The following MAGI1 variants were observed in gnomAD, a reference collection of about 807,000 sequenced individuals.
MAGI1 encodes membrane associated guanylate kinase, WW and PDZ domain containing 1, also known as membrane-associated guanylate kinase, WW and PDZ domain-containing protein 1.
MAGI1 carries 58 observed loss-of-function variants against 139.9 expected under a neutral mutation model. That is an observed-to-expected ratio of 0.41 (90% CI 0.34 to 0.52). The LOEUF (loss-of-function observed/expected upper bound fraction) is 0.52, where lower values mean the gene tolerates loss of function less well. Among genes scored for constraint, MAGI1 ranks in the 20% least tolerant of loss-of-function variants. MAGI1 has a pLI of 0.12. For synonymous variants in MAGI1, 812 were observed against 737.9 expected, an observed-to-expected ratio of 1.10 and a Z score of -1.63; for missense variants, 1,874 against 1,901.6, an observed-to-expected ratio of 0.99 and a Z score of 0.27.
chr3:65,403,388 CTG>C (rs1945067828), intron 12 of MAGI1, among the ~76,000 whole-genome samples: 1 of 152,074 alleles, frequency 6.6e-6, no homozygotes, highest in Non-Finnish European at 1.5e-5. Flanking sequence ...ATACAAATAA[CTG>C]TGTTGAACAA....
intron 2 of MAGI1, among the ~76,000 whole-genome samples, chr3:65,585,948 C>T (rs182868743): frequency 4.7e-4 from 72 of 152,260 alleles, no homozygotes; most frequent in Middle Eastern, 3.4e-3. Flanking sequence ...TGGCTCACAC[C>T]TGTAATCCCA....
intron 1 of MAGI1, among the ~76,000 whole-genome samples, chr3:65,701,649 C>T (rs2089617691): frequency 1.3e-5 from 2 of 152,032 alleles, no homozygotes. Flanking sequence ...AATAAAGGCA[C>T]TTTTATTATA....
chr3:65,561,697 T>C (rs1045709879), intron 2 of MAGI1, among the ~76,000 whole-genome samples: 2 of 152,222 alleles, frequency 1.3e-5, no homozygotes, highest in African/African-American at 4.8e-5. Context: ...AGATGTGATA[T>C]TTACCACCTT....
chr3:65,566,572 G>T (rs1438313783), intron 2 of MAGI1, among the ~76,000 whole-genome samples: 1 of 152,066 alleles, frequency 6.6e-6, no homozygotes, highest in South Asian at 2.1e-4. Context: ...GTCTAAGGTG[G>T]CATACATACT....
intron 1 of MAGI1, among the ~76,000 whole-genome samples, chr3:65,787,694 G>T (rs1343766876): frequency 6.6e-6 from 1 of 151,842 alleles, no homozygotes; most frequent in Non-Finnish European, 1.5e-5. Flanking sequence ...ACAAGTTCAT[G>T]GTGTTATGGG....
intron 1 of MAGI1, among the ~76,000 whole-genome samples, chr3:65,663,963 T>A (rs921088537): frequency 6.6e-6 from 1 of 152,142 alleles, no homozygotes; most frequent in Non-Finnish European, 1.5e-5. Context: ...ATATGTCAAG[T>A]CGTGTTGACA....
Position 65,448,072 on chromosome 3 carries a change from T to A in MAGI1, c.1043-15A>T, listed in dbSNP as rs1373692414. On this transcript the variant is annotated splice_polypyrimidine_tract_variant and intron_variant, in intron 6 of 22. Transcript: ENST00000402939. ...GTGTACCCCTTCTTCTCCAAAGGAATAGCAGGAATGAGACAGAAAAGAGAG... is the reference window on the plus strand; with the variant it reads ...GTGTACCCCTTCTTCTCCAAAGGAAAAGCAGGAATGAGACAGAAAAGAGAG... 6.2e-7 allele frequency: 1 copy of A among 1,613,676 alleles called. No homozygotes were observed. Among genetic ancestry groups the A allele is most frequent in the East Asian group, 2.2e-5 (1 of 44,876 alleles).
At chr3:65,474,444 C>T (rs1039813150) in intron 4 of MAGI1, among the ~76,000 whole-genome samples, 14 of 152,200 alleles carry the variant, frequency 9.2e-5, no homozygotes, top group African/African-American at 3.4e-4. Flanking sequence ...AACAGGTACA[C>T]AGTCCTTCAG....
At chr3:65,551,592 G>A (rs1000537343) in intron 2 of MAGI1, among the ~76,000 whole-genome samples, 4 of 152,162 alleles carry the variant, frequency 2.6e-5, no homozygotes, top group South Asian at 4.1e-4. Context: ...GAGCCACCAC[G>A]CCCGGCCCAC....
chr3:65,842,853 T>A (rs1248795197), intron 1 of MAGI1, among the ~76,000 whole-genome samples: 4 of 152,216 alleles, frequency 2.6e-5, no homozygotes, highest in South Asian at 4.1e-4. Flanking sequence ...TATGTTAATC[T>A]TCTCTACTTA....
chr3:65,978,899 T>C (rs1184528854), intron 1 of MAGI1, among the ~76,000 whole-genome samples: 6 of 152,108 alleles, frequency 3.9e-5, no homozygotes, highest in African/African-American at 1.2e-4. Context: ...AGTGCTGGGA[T>C]TACAGGTGTG....
At chr3:65,842,581 GAAC>G (rs1400356048) in intron 1 of MAGI1, among the ~76,000 whole-genome samples, 1 of 152,004 alleles carries the variant, frequency 6.6e-6, no homozygotes, top group Non-Finnish European at 1.5e-5. Context: ...GGCTGGTCTT[GAAC>G]TACCGACCTC....
At chr3:65,969,123 T>A (rs926049995) in intron 1 of MAGI1, among the ~76,000 whole-genome samples, 2 of 152,180 alleles carry the variant, frequency 1.3e-5, no homozygotes, top group African/African-American at 4.8e-5. Context: ...AAGGGAAGAA[T>A]TGAGGCTGGT....
At chr3:65,953,940 G>C (rs1306358375) in intron 1 of MAGI1, among the ~76,000 whole-genome samples, 1 of 152,158 alleles carries the variant, frequency 6.6e-6, no homozygotes, top group African/African-American at 2.4e-5. Context: ...CTTTTAAAAG[G>C]TTTCTTGGAC....
intron 2 of MAGI1, among the ~76,000 whole-genome samples, chr3:65,611,731 T>C (rs1452892099): frequency 6.7e-6 from 1 of 150,056 alleles, no homozygotes; most frequent in African/African-American, 2.4e-5. Flanking sequence ...ATATACTGTA[T>C]GTGTATACAT....
intron 1 of MAGI1, among the ~76,000 whole-genome samples, chr3:65,721,384 T>C (rs1232019810): frequency 3.9e-5 from 6 of 152,040 alleles, no homozygotes; most frequent in Non-Finnish European, 8.8e-5. Flanking sequence ...CATTTGAGAG[T>C]AAAAGGGGTG....
chr3:65,402,976 C>T (rs1945033137), intron 12 of MAGI1, among the ~76,000 whole-genome samples: 1 of 152,134 alleles, frequency 6.6e-6, no homozygotes. Context: ...GCAGTATTAA[C>T]AAAAATTCCA....
At chr3:65,422,558 A>G (rs1946701665) in intron 12 of MAGI1, among the ~76,000 whole-genome samples, 1 of 152,164 alleles carries the variant, frequency 6.6e-6, no homozygotes, top group African/African-American at 2.4e-5. Flanking sequence ...TTTTCATTCA[A>G]TGCAGATGAT....
chr3:65,438,461 C>T (rs923128375), intron 9 of MAGI1, among the ~76,000 whole-genome samples: 1 of 152,222 alleles, frequency 6.6e-6, no homozygotes, highest in Non-Finnish European at 1.5e-5. Context: ...AAAGTCCACA[C>T]TTCACCACCA....
Sources: allele counts gnomAD v4.1 joint callset (sites outside exome capture counted in the v4.1 genomes callset), GRCh38; gene constraint gnomAD v4.1.1; transcripts MANE v1.5; gene names NCBI Gene and HGNC (gene_info 2026-07-23, HGNC 2026-07-21).